CDH17: variants seen among roughly 807,000 people sequenced by gnomAD.
CDH17 encodes the protein cadherin 17, also known as cadherin-17.
Under a neutral mutation model 86.3 loss-of-function variants are expected in CDH17, and 67 were observed. The observed-to-expected ratio is 0.78, with a 90% CI of 0.64 to 0.95. The LOEUF (loss-of-function observed/expected upper bound fraction) is 0.95, where lower values mean the gene tolerates loss of function less well. CDH17 is among the 40% of genes least tolerant of loss of function. The pLI, the probability that CDH17 is intolerant of heterozygous loss-of-function variation, is 0.00. For missense variants in CDH17, 993 were observed against 1,017.6 expected (o/e 0.98, Z 0.33); for synonymous variants, 367 against 366.4 (o/e 1.00, Z -0.02).
chr8:94,172,008 C>T (rs2130638691), intron 7 of CDH17, among the ~76,000 whole-genome samples: 1 of 122,266 alleles, frequency 8.2e-6, no homozygotes, highest in East Asian at 3.1e-4. Flanking sequence ...CCCCCTCCTC[C>T]CTCCCCTTCT....
intron 17 of CDH17, 128 bp downstream of exon 17, chr8:94,130,498 C>T: frequency 1.6e-6 from 1 of 609,710 alleles, no homozygotes; most frequent in South Asian, 2.2e-5. Context: ...TGGTGATCTA[C>T]CTTCTGGGCT....
At chr8:94,151,717 G>A (rs925194961) in intron 13 of CDH17, 151 bp downstream of exon 13, 1 of 875,222 alleles carries the variant, frequency 1.1e-6, no homozygotes, top group East Asian at 2.6e-5. Flanking sequence ...TGCCCCCAGG[G>A]TGTTGACAGC....
intron 3 of CDH17, among the ~76,000 whole-genome samples, chr8:94,184,454 A>T (rs553668871): frequency 1.6e-4 from 25 of 152,362 alleles, no homozygotes; most frequent in African/African-American, 6.0e-4. Context: ...ATACTATGGT[A>T]CATAAAAGAA....
intron 2 of CDH17, among the ~76,000 whole-genome samples, chr8:94,191,216 G>A (rs980037337): frequency 6.6e-6 from 1 of 152,140 alleles, no homozygotes; most frequent in Non-Finnish European, 1.5e-5. Context: ...CTGAGACAAT[G>A]TACCTTGTGT....
chr8:94,162,287 C>T, intron 10 of CDH17, 125 bp from the exon 11 acceptor site: 2 of 664,474 alleles, frequency 3.0e-6, no homozygotes, highest in Non-Finnish European at 5.5e-6. Context: ...AATTGACATG[C>T]AATTTGTGCA....
intron 1 of CDH17, among the ~76,000 whole-genome samples, chr8:94,206,079 G>C (rs1053020254): frequency 6.6e-6 from 1 of 151,904 alleles, no homozygotes; most frequent in African/African-American, 2.4e-5. Flanking sequence ...TTCCATGTCA[G>C]TCTTACAGAA....
chr8:94,129,076 T>G (rs917367059), intron 17 of CDH17, among the ~76,000 whole-genome samples: 7 of 152,200 alleles, frequency 4.6e-5, no homozygotes, highest in Non-Finnish European at 8.8e-5. Context: ...CAACCCTATC[T>G]TGAAAATAAG....
intron 1 of CDH17, among the ~76,000 whole-genome samples, chr8:94,199,559 G>C (rs1457186661): frequency 6.6e-6 from 1 of 152,008 alleles, no homozygotes; most frequent in South Asian, 2.1e-4. Flanking sequence ...TTGGTCAGAT[G>C]CTCAGAGAGA....
chr8:94,177,350 G>T (rs1813393238), intron 4 of CDH17, among the ~76,000 whole-genome samples: 2 of 152,124 alleles, frequency 1.3e-5, no homozygotes, highest in South Asian at 2.1e-4. Context: ...GCCATCAGAG[G>T]GTCCTGGCAA....
At chr8:94,175,867 G>T (rs1329190069) in intron 5 of CDH17, among the ~76,000 whole-genome samples, 10 of 152,154 alleles carry the variant, frequency 6.6e-5, no homozygotes, top group Non-Finnish European at 7.4e-5. Context: ...GTATCTTAGA[G>T]ATCACCCTAG....
At chr8:94,215,399 A>C (rs968641608) in intron 1 of CDH17, among the ~76,000 whole-genome samples, 4 of 152,236 alleles carry the variant, frequency 2.6e-5, no homozygotes, top group Non-Finnish European at 5.9e-5. Flanking sequence ...AAAAAAGCCT[A>C]ATATTATATA....
chr8:94,139,292 C>T (rs1381355489), intron 15 of CDH17, among the ~76,000 whole-genome samples: 4 of 151,826 alleles, frequency 2.6e-5, no homozygotes, highest in Non-Finnish European at 5.9e-5. Flanking sequence ...ATAAAGCTAT[C>T]CAAAAAGAAA....
chr8:94,188,629 C>T lies in CDH17; in HGVS notation c.150+558G>A, dbSNP rs1813626562. 2.0e-5 allele frequency among the ~76,000 whole-genome samples: 3 copies of T among 152,188 alleles called. No homozygotes were observed. In the South Asian group the frequency reaches 6.2e-4, roughly 32 times the overall value. On this transcript the variant is annotated intron_variant, in intron 3 of 17. Coordinates refer to ENST00000027335, the MANE Select transcript of CDH17 (RefSeq NM_004063.4). ...TAGCACTTAAGATGGGACTTAGGTC[C>T]CTTCCCTTATTCCCACCTGCAGACT... is the stretch of plus-strand genomic sequence containing the variant.
intron 13 of CDH17, 95 bp downstream of exon 13, chr8:94,151,773 G>T: frequency 6.7e-7 from 1 of 1,502,822 alleles, no homozygotes; most frequent in Non-Finnish European, 9.1e-7. Flanking sequence ...ATGCTGTGAG[G>T]GTCAGCCCTG....
chr8:94,144,088 T>C (rs568865747), intron 15 of CDH17, among the ~76,000 whole-genome samples: 33 of 152,294 alleles, frequency 2.2e-4, no homozygotes, highest in African/African-American at 7.7e-4. Context: ...GTGAGAGATG[T>C]GTGACTCTTC....
chr8:94,181,492 A>T (rs1813487170), intron 3 of CDH17, among the ~76,000 whole-genome samples: 1 of 152,064 alleles, frequency 6.6e-6, no homozygotes, highest in South Asian at 2.1e-4. Flanking sequence ...ATATAAGGAA[A>T]TTTGGGAAAA....
intron 15 of CDH17, among the ~76,000 whole-genome samples, chr8:94,139,231 A>G (rs1362322169): frequency 6.6e-6 from 1 of 152,184 alleles, no homozygotes; most frequent in African/African-American, 2.4e-5. Flanking sequence ...AATGGCTATA[A>G]TATAGCCATT....
chr8:94,187,420 G>A (rs746008591), intron 3 of CDH17, among the ~76,000 whole-genome samples: 27 of 152,182 alleles, frequency 1.8e-4, no homozygotes, highest in Non-Finnish European at 3.4e-4. Flanking sequence ...CATATCCCCA[G>A]TACCCAGCAG....
intron 5 of CDH17, 150 bp from the exon 6 acceptor site, chr8:94,174,410 A>T: frequency 3.9e-6 from 3 of 759,936 alleles, no homozygotes; most frequent in South Asian, 2.4e-5. Flanking sequence ...TATTTATCCC[A>T]CTCCCCCCTT....
Sources: gnomAD v4.1 joint callset for allele counts (sites outside exome capture counted in the v4.1 genomes callset) on GRCh38, gnomAD v4.1.1 for gene constraint, MANE v1.5 for transcripts, NCBI Gene and HGNC (gene_info 2026-07-23, HGNC 2026-07-21) for gene names.